Variants in SPP2 observed in about 807,000 individuals in gnomAD.
SPP2 encodes secreted phosphoprotein 24.
SPP2 carries 34 observed loss-of-function variants against 28.8 expected under a neutral mutation model. The observed-to-expected ratio is 1.18, with a 90% CI of 0.90 to 1.57. The LOEUF is 1.57. Among genes scored for constraint, SPP2 ranks in the 40% most tolerant of loss-of-function variants. The probability of loss-of-function intolerance (pLI) is 0.00; values close to 1 mark genes in which losing one functional copy is unlikely to be tolerated. For missense variants in SPP2, 269 were observed against 263.9 expected, an observed-to-expected ratio of 1.02 and a Z score of -0.13; for synonymous variants, 96 against 89.4, an observed-to-expected ratio of 1.07 and a Z score of -0.42.
intron 7 of SPP2, among the ~76,000 whole-genome samples, chr2:234,073,654 C>A (rs1199804187): frequency 1.3e-5 from 2 of 152,130 alleles, no homozygotes; most frequent in African/African-American, 2.4e-5. Context: ...CTTTGAGAAT[C>A]TTAGACTTTC....
At chr2:234,066,247 G>T (rs1363802670) in intron 4 of SPP2, among the ~76,000 whole-genome samples, 1 of 152,132 alleles carries the variant, frequency 6.6e-6, no homozygotes, top group Non-Finnish European at 1.5e-5. Context: ...TGTGTAACAG[G>T]GTTTTGCTTT....
chr2:234,056,552 G>T (rs1402609947), intron 2 of SPP2, among the ~76,000 whole-genome samples: 1 of 152,140 alleles, frequency 6.6e-6, no homozygotes, highest in Non-Finnish European at 1.5e-5. Flanking sequence ...TCAATAAAAT[G>T]ATCTGTACCC....
chr2:234,066,172 T>C (rs1237293761), intron 4 of SPP2, among the ~76,000 whole-genome samples: 7 of 152,318 alleles, frequency 4.6e-5, no homozygotes, highest in Admixed American at 4.6e-4. Flanking sequence ...CTACTGAACA[T>C]ATTACAGTGA....
chr2:234,056,364 A>G (rs1452216896), intron 2 of SPP2: 1 of 152,202 alleles, frequency 6.6e-6, no homozygotes, highest in Non-Finnish European at 1.5e-5. Context: ...CAAAACCACA[A>G]TGAGTTGACT....
chr2:234,051,094 G>C lies in SPP2; in HGVS notation c.209G>C (p.Arg70Thr). The part of the protein sequence containing the change: ...LFRAFRSSLK[R>T]VEVLDENNLV... ...CGGGCATTCAGAAGCTCATTAAAAA[G>C]AGTAAGTGCAAAATGAAATCTTCTC... The change falls in exon 2 of 8, where the codon AGA becomes ACA. Residue 70 changes from arginine to threonine, a missense_variant and splice_region_variant. Physicochemically the swap from Arg to Thr is moderately conservative, Grantham distance 71. Coordinates refer to ENST00000168148, the MANE Select transcript of SPP2 (RefSeq NM_006944.3). The C allele has an allele frequency of 3.1e-6, 5 of 1,613,122 alleles. No homozygotes were observed. Among genetic ancestry groups the C allele is most frequent in the Non-Finnish European group, 4.2e-6 (5 of 1,179,234 alleles).
chr2:234,052,534 C>T (rs899145439), intron 2 of SPP2, among the ~76,000 whole-genome samples: 3 of 152,170 alleles, frequency 2.0e-5, no homozygotes, highest in African/African-American at 7.2e-5. Context: ...TGAGGCACAG[C>T]CACCAGAGCG....
chr2:234,063,581 G>A (rs558610808), intron 4 of SPP2, among the ~76,000 whole-genome samples: 14 of 152,176 alleles, frequency 9.2e-5, no homozygotes, highest in African/African-American at 2.6e-4. Flanking sequence ...GTGAATTATC[G>A]GTAGTTTTTA....
intron 7 of SPP2, among the ~76,000 whole-genome samples, chr2:234,073,672 T>C (rs1690838605): frequency 6.6e-6 from 1 of 152,242 alleles, no homozygotes; most frequent in East Asian, 1.9e-4. Context: ...TTCTTATCTT[T>C]GTAGCTGGAA....
Position 234,050,977 on chromosome 2 carries a change from C to T in SPP2, c.92C>T (p.Pro31Leu). 6.2e-7 allele frequency: 1 copy of T among 1,614,026 alleles called. No individual in the cohort carries two copies. The highest frequency in any genetic ancestry group is 1.1e-5 in the South Asian group (1 of 91,078). The change falls in exon 2 of 8, where the codon CCA (proline) becomes CTA (leucine). Residue 31 changes from proline (P) to leucine (L), a missense_variant. Physicochemically the swap from Pro to Leu is moderately conservative, Grantham distance 98. Coordinates refer to ENST00000168148, the MANE Select transcript of SPP2 (RefSeq NM_006944.3). The part of the protein sequence containing the change: ...GMNYWSCSGF[P>L]VYDYDPSSLR... The stretch of plus-strand genomic sequence containing the variant: ...CATGTGCTTGCGTGTCCAGGTTTCC[C>T]AGTGTACGACTACGATCCATCCTCC...
At chr2:234,073,642 C>T (rs1690838246) in intron 7 of SPP2, among the ~76,000 whole-genome samples, 1 of 152,112 alleles carries the variant, frequency 6.6e-6, no homozygotes. Flanking sequence ...TTGAAAAAAT[C>T]TCTTTGAGAA....
chr2:234,053,477 G>T (rs1163232873), intron 2 of SPP2, among the ~76,000 whole-genome samples: 1 of 151,854 alleles, frequency 6.6e-6, no homozygotes, highest in Non-Finnish European at 1.5e-5. Context: ...CATCATCATT[G>T]CACGGGAGCT....
At chr2:234,053,468 A>T (rs962399732) in intron 2 of SPP2, among the ~76,000 whole-genome samples, 1 of 152,008 alleles carries the variant, frequency 6.6e-6, no homozygotes, top group South Asian at 2.1e-4. Flanking sequence ...CAGACTACAC[A>T]TCATCATTGC....
intron 2 of SPP2, among the ~76,000 whole-genome samples, chr2:234,051,378 G>T (rs774572212): frequency 1.3e-5 from 2 of 152,102 alleles, no homozygotes; most frequent in Admixed American, 1.3e-4. Context: ...AAGTCCTCGC[G>T]ATTCTTTCTG....
rs74641945 is a variant in SPP2, at chr2:234,069,699, A to C, written c.551-229A>C. Among the ~76,000 whole-genome samples the C allele has an allele frequency of 3.5e-3, 539 of 152,268 alleles. 5 individuals carry two copies. The highest frequency in any genetic ancestry group is 0.013 in the African/African-American group (521 of 41,556). Reference sequence around the variant, plus strand: ...GGCTGAGACATCACATGTAGTAATAAGGAGTGGGGAGAAATGAGCGCTAGA... The same window carrying C: ...GGCTGAGACATCACATGTAGTAATACGGAGTGGGGAGAAATGAGCGCTAGA... On this transcript the variant is annotated intron_variant, in intron 6 of 7. Transcript: ENST00000168148.
chr2:234,050,870 A>G lies in SPP2; in HGVS notation c.84A>G (p.Ser28=). The G allele has an allele frequency of 1.2e-6, 2 of 1,614,080 alleles. No homozygotes were observed. The highest frequency in any genetic ancestry group is 1.7e-6 in the Non-Finnish European group (2 of 1,179,928). The change falls in exon 1 of 8, where the codon TCA becomes TCG. Residue 28 remains serine, a splice_region_variant and synonymous_variant. Coordinates refer to ENST00000168148, the MANE Select transcript of SPP2 (RefSeq NM_006944.3). ...FALGMNYWSC[S]GFPVYDYDPS... is the part of the protein sequence containing the mutation. ...TTGGAATGAACTACTGGTCTTGCTC[A>G]GGTAAGGTATTCACCAACCTGGCCA...
At chr2:234,060,771 G>T (rs10178366) in intron 4 of SPP2, among the ~76,000 whole-genome samples, 3,925 of 150,140 alleles carry the variant, frequency 0.026, 140 homozygotes, top group East Asian at 0.16. Context: ...ATGCACACAC[G>T]CACACATACA....
chr2:234,065,659 A>T (rs1693804622), intron 4 of SPP2, among the ~76,000 whole-genome samples: 1 of 152,108 alleles, frequency 6.6e-6, no homozygotes, highest in South Asian at 2.1e-4. Context: ...TGTCTATTCA[A>T]ATCCTTGCCT....
chr2:234,076,114 G>A (rs13017720), intron 7 of SPP2, among the ~76,000 whole-genome samples: 34,075 of 151,988 alleles, frequency 0.22, 4,369 homozygotes, highest in South Asian at 0.4. Context: ...ATGAGTCTGG[G>A]GTCTTGCTGT....
intron 3 of SPP2, 126 bp from the exon 4 acceptor site, chr2:234,060,243 A>C: frequency 1.5e-6 from 1 of 651,126 alleles, no homozygotes. Flanking sequence ...AAAAAATAAA[A>C]TGCCTCTGTG....
Sources: gnomAD v4.1 joint callset for allele counts (sites outside exome capture counted in the v4.1 genomes callset) on GRCh38, gnomAD v4.1.1 for gene constraint, MANE v1.5 for transcripts, NCBI Gene and HGNC (gene_info 2026-07-23, HGNC 2026-07-21) for gene names.